EPHA5: variants seen among roughly 807,000 people sequenced by gnomAD.
EPHA5 encodes the protein EPH receptor A5.
Under a neutral mutation model 105.0 loss-of-function variants are expected in EPHA5, and 60 were observed. That is an observed-to-expected ratio of 0.57 (90% confidence interval 0.46 to 0.71). The LOEUF (loss-of-function observed/expected upper bound fraction) is 0.71, where lower values mean the gene tolerates loss of function less well. EPHA5 is among the 30% of genes least tolerant of loss of function. The pLI, the probability that EPHA5 is intolerant of heterozygous loss-of-function variation, is 0.00. For missense variants in EPHA5, 1,218 were observed against 1,274.7 expected, an observed-to-expected ratio of 0.96 and a Z score of 0.68; for synonymous variants, 513 against 449.1, an observed-to-expected ratio of 1.14 and a Z score of -1.80.
At chr4:65,463,999 C>G (rs1728365880) in intron 5 of EPHA5, among the ~76,000 whole-genome samples, 1 of 151,624 alleles carries the variant, frequency 6.6e-6, no homozygotes, top group Non-Finnish European at 1.5e-5. Flanking sequence ...ATTTGTCCTA[C>G]ACTAAAAAAT....
rs1011855681 is a variant in EPHA5, at chr4:65,521,110, G to C, written c.911-25567C>G. 2.0e-5 allele frequency among the ~76,000 whole-genome samples: 3 copies of C among 152,070 alleles called. No individual in the cohort carries two copies. The South Asian group carries it at 6.2e-4, about 32-fold the overall frequency. On this transcript the variant is annotated intron_variant, in intron 3 of 16. Transcript: ENST00000613740. ...TTGCGGCACTATTCACAATAGCAAAGACTGGGAACCAACCCAAATGTCCAT... is the reference window on the plus strand; with the variant it reads ...TTGCGGCACTATTCACAATAGCAAACACTGGGAACCAACCCAAATGTCCAT...
intron 2 of EPHA5, among the ~76,000 whole-genome samples, chr4:65,635,631 A>G (rs1019995102): frequency 6.6e-6 from 1 of 152,166 alleles, no homozygotes; most frequent in Non-Finnish European, 1.5e-5. Flanking sequence ...AATTTCTAAG[A>G]CATGAGATCA....
intron 5 of EPHA5, among the ~76,000 whole-genome samples, chr4:65,423,630 AT>A (rs1185618971): frequency 6.7e-6 from 1 of 149,180 alleles, no homozygotes; most frequent in Non-Finnish European, 1.5e-5. Context: ...CAGAGCTCCT[AT>A]GTCTCTTTGA....
chr4:65,366,519 G>T (rs945172939), intron 9 of EPHA5, among the ~76,000 whole-genome samples: 1 of 151,868 alleles, frequency 6.6e-6, no homozygotes, highest in African/African-American at 2.4e-5. Context: ...TAAGTCAAAA[G>T]AAAGTATTCT....
chr4:65,454,852 T>C (rs1727419392), intron 5 of EPHA5, among the ~76,000 whole-genome samples: 2 of 152,240 alleles, frequency 1.3e-5, no homozygotes, highest in South Asian at 4.1e-4. Context: ...CTTTTGGGAA[T>C]TAACTTATTT....
At chr4:65,480,183 T>C (rs1215934894) in intron 5 of EPHA5, among the ~76,000 whole-genome samples, 1 of 152,110 alleles carries the variant, frequency 6.6e-6, no homozygotes, top group African/African-American at 2.4e-5. Flanking sequence ...TTCAACTAAT[T>C]GTAAAACCAG....
intron 11 of EPHA5, 81 bp downstream of exon 11, chr4:65,364,936 T>C (rs1717714160): frequency 2.5e-6 from 3 of 1,180,236 alleles, no homozygotes; most frequent in Non-Finnish European, 3.5e-6. Context: ...CAATCTTGGT[T>C]TCTCTTTACC....
intron 8 of EPHA5, among the ~76,000 whole-genome samples, chr4:65,373,304 G>A (rs1228183949): frequency 2.0e-5 from 3 of 151,746 alleles, no homozygotes; most frequent in African/African-American, 7.3e-5. Context: ...ACCCCCATCT[G>A]CCTACCACAA....
At chr4:65,434,897 T>C (rs1384576540) in intron 5 of EPHA5, among the ~76,000 whole-genome samples, 1 of 152,104 alleles carries the variant, frequency 6.6e-6, no homozygotes, top group African/African-American at 2.4e-5. Context: ...TGTGATTTTT[T>C]CAGCCTGTTC....
intron 6 of EPHA5, 78 bp from the exon 7 acceptor site, chr4:65,414,521 C>A: frequency 2.0e-6 from 3 of 1,477,940 alleles, no homozygotes; most frequent in Non-Finnish European, 2.8e-6. Context: ...AATCATAGAT[C>A]AGAAAATGAA....
chr4:65,519,852 A>C (rs555620315), intron 3 of EPHA5, among the ~76,000 whole-genome samples: 4 of 152,292 alleles, frequency 2.6e-5, no homozygotes, highest in African/African-American at 7.2e-5. Flanking sequence ...GGAGAACTAC[A>C]AACCACTGCT....
chr4:65,611,946 G>A (rs1744798086), intron 2 of EPHA5, among the ~76,000 whole-genome samples: 1 of 149,270 alleles, frequency 6.7e-6, no homozygotes, highest in Admixed American at 6.7e-5. Flanking sequence ...GAACCTGGCA[G>A]GCGGAGTCTG....
intron 14 of EPHA5, among the ~76,000 whole-genome samples, chr4:65,341,597 TTG>T (rs1409280805): frequency 2.0e-5 from 3 of 150,344 alleles, no homozygotes. Context: ...ATATAAATTA[TTG>T]TGTGTGTATA....
At chr4:65,403,487 G>T (rs1343715159) in intron 8 of EPHA5, among the ~76,000 whole-genome samples, 3 of 151,768 alleles carry the variant, frequency 2.0e-5, no homozygotes, top group Non-Finnish European at 4.4e-5. Context: ...TTTTCAAATG[G>T]ACAGCTCCCA....
rs74500396 is a variant in EPHA5, at chr4:65,624,380, A to T, written c.246+18983T>A. ...TATCTTTCATATTAGCCATTCACAA[A>T]TTCACTGCAGACTGTGGTTGCCACA... On this transcript the variant is annotated intron_variant, in intron 2 of 16. Transcript: ENST00000613740. 4.5e-4 allele frequency among the ~76,000 whole-genome samples: 68 copies of T among 152,276 alleles called. 1 individual carries two copies. The East Asian group carries it at 0.013, about 28-fold the overall frequency.
chr4:65,484,552 A>G (rs1730693815), intron 5 of EPHA5, among the ~76,000 whole-genome samples: 2 of 152,158 alleles, frequency 1.3e-5, no homozygotes, highest in Admixed American at 6.6e-5. Context: ...GCCCTCTGGA[A>G]AAAGGTTCCA....
rs573849423 is a variant in EPHA5 at position 65,581,020 on chromosome 4, C to A, written c.910+20621G>T. On this transcript the variant is annotated intron_variant, in intron 3 of 16. Transcript: ENST00000613740. ...ATTGCCTCTATCTTTGGTGTCACTG[C>A]CAGCAATAAACACAGTATAGAGCTT... Among the ~76,000 whole-genome samples the A allele has an allele frequency of 3.3e-5, 5 of 151,820 alleles. No individual in the cohort carries two copies. The South Asian group carries it at 1.0e-3, about 32-fold the overall frequency.
intron 1 of EPHA5, among the ~76,000 whole-genome samples, chr4:65,649,265 G>A (rs910240976): frequency 3.3e-5 from 5 of 152,176 alleles, no homozygotes; most frequent in African/African-American, 4.8e-5. Flanking sequence ...GTTTCCTGCA[G>A]CCAAGTCAGT....
intron 5 of EPHA5, among the ~76,000 whole-genome samples, chr4:65,482,981 G>C (rs2149193250): frequency 6.6e-6 from 1 of 151,990 alleles, no homozygotes; most frequent in South Asian, 2.1e-4. Flanking sequence ...ATTTACATTA[G>C]GTATATCTCC....
Sources: allele counts gnomAD v4.1 joint callset (sites outside exome capture counted in the v4.1 genomes callset), GRCh38; gene constraint gnomAD v4.1.1; transcripts MANE v1.5; gene names NCBI Gene and HGNC (gene_info 2026-07-23, HGNC 2026-07-21).